Variants in DNAH2 observed in about 807,000 individuals in gnomAD.
DNAH2 encodes axonemal beta dynein heavy chain 2.
In DNAH2, 323 loss-of-function variants were observed where a neutral mutation model predicts 523.5. The ratio of observed to expected loss-of-function variants is 0.62; its 90% CI spans 0.56 to 0.68. DNAH2 has a LOEUF of 0.68. Ranked by LOEUF, DNAH2 falls within the 30% of genes least tolerant of loss-of-function variation. The pLI is 0.00. For synonymous variants in DNAH2, 2,093 were observed against 2,177.4 expected, an observed-to-expected ratio of 0.96 and a Z score of 1.08; for missense variants, 4,907 against 5,701.5, an observed-to-expected ratio of 0.86 and a Z score of 4.49.
chr17:7,786,190 A>G lies in DNAH2; in HGVS notation c.6196A>G (p.Lys2066Glu). 6.2e-7 allele frequency: 1 copy of G among 1,613,948 alleles called. No individual in the cohort carries two copies. Among genetic ancestry groups the G allele is most frequent in the South Asian group, 1.1e-5 (1 of 91,076 alleles). Residue 2066 changes from lysine to glutamate, a missense_variant, in exon 40 of 86, where the codon AAG (lysine) becomes GAG (glutamate). Lys to Glu is a moderately conservative substitution (Grantham distance 56). Around this residue, in one of 3 missense-constraint regions of DNAH2, gnomAD observed 2,806 missense variants for 3,190.8 expected, o/e 0.88. Transcript: ENST00000572933. The surrounding 1 kb of genome is among the most constrained non-coding windows in gnomAD (Gnocchi z 7.5). Reference sequence around the variant, plus strand: ...GCAAAGCACGCCGTTCACCCTCACCAAGGTTTTCCAGTTGTATGAAACCAA... The same window carrying G: ...GCAAAGCACGCCGTTCACCCTCACCGAGGTTTTCCAGTTGTATGAAACCAA... ...GLQSTPFTLT[K>E]VFQLYETKNS... is the part of the protein sequence containing the mutation.
rs368654640 is a variant in DNAH2 at position 7,826,323 on chromosome 17, C to G, written c.11853+1596C>G. ...GGATTACAGGTGTGAGCCACCGTGC[C>G]CAGCCTGAGTTTTACTTCAAATAAG... On this transcript the variant is annotated intron_variant, in intron 77 of 85. Transcript: ENST00000572933. Among the ~76,000 whole-genome samples the G allele has an allele frequency of 5.2e-4, 79 of 152,168 alleles. 1 individual carries two copies. The East Asian group carries it at 7.8e-3, about 15-fold the overall frequency.
At chr17:7,820,102 C>T (rs991873101) in intron 72 of DNAH2, among the ~76,000 whole-genome samples, 1 of 152,144 alleles carries the variant, frequency 6.6e-6, no homozygotes, top group African/African-American at 2.4e-5. Flanking sequence ...AGCCACCACG[C>T]CTGGCAAAAA....
chr17:7,776,773 C>T lies in DNAH2; in HGVS notation c.4948-6C>T, dbSNP rs780253386. Reference sequence around the variant, plus strand: ...GCTTTGGGACGTGGCTTCTGCACATCCCCAGGTGGTGATCACTGCCAGTCA... The same window carrying T: ...GCTTTGGGACGTGGCTTCTGCACATTCCCAGGTGGTGATCACTGCCAGTCA... On this transcript the variant is annotated splice_region_variant and splice_polypyrimidine_tract_variant and intron_variant, in intron 31 of 85. Transcript: ENST00000572933. 12 of 1,610,332 alleles carry T rather than the reference C, an allele frequency of 7.5e-6. No homozygotes were observed. In the South Asian group the frequency reaches 1.2e-4, roughly 16 times the overall value.
intron 73 of DNAH2, 62 bp from the exon 74 acceptor site, chr17:7,823,380 G>C: frequency 7.2e-7 from 1 of 1,389,910 alleles, no homozygotes; most frequent in Non-Finnish European, 9.9e-7. Context: ...AGGAGAAAAA[G>C]ATCACTCTTC....
chr17:7,727,481 C>T (rs146219657), intron 4 of DNAH2, among the ~76,000 whole-genome samples, 189 bp downstream of exon 4: 14 of 152,204 alleles, frequency 9.2e-5, no homozygotes, highest in African/African-American at 1.4e-4. Flanking sequence ...GGGCTGGGCG[C>T]GGTGGCTCAC....
rs1461963159 is a variant in DNAH2 at position 7,798,058 on chromosome 17, C to T, written c.8231-99C>T. 6.8e-7 allele frequency: 1 copy of T among 1,469,110 alleles called. No individual in the cohort carries two copies. Among genetic ancestry groups the T allele is most frequent in the Non-Finnish European group, 9.1e-7 (1 of 1,101,986 alleles). The allele number at this position is 1,469,110 out of a possible 1,614,324, so 91.0% of individuals were successfully genotyped here. A position where few individuals can be genotyped will look rare whatever the true frequency, so the allele number is the denominator to read the frequency against. ...CTTCTTCTCATACCTCTTGGTTCCTCTGCTTCAGTTTCAGGGGCCCCAATC... is the reference window on the plus strand; with the variant it reads ...CTTCTTCTCATACCTCTTGGTTCCTTTGCTTCAGTTTCAGGGGCCCCAATC... On this transcript the variant is annotated intron_variant, in intron 53 of 85. Transcript: ENST00000572933. The surrounding 1 kb of genome is among the most constrained non-coding windows in gnomAD (Gnocchi z 5.5).
chr17:7,732,360 G>T (rs1226524077), intron 4 of DNAH2, among the ~76,000 whole-genome samples: 2 of 150,034 alleles, frequency 1.3e-5, no homozygotes, highest in African/African-American at 4.9e-5. Flanking sequence ...GCTTGAACCC[G>T]GGGGGCGGAG....
chr17:7,786,796 C>A lies in DNAH2; in HGVS notation c.6467-101C>A. On this transcript the variant is annotated intron_variant, in intron 41 of 85. Transcript: ENST00000572933. The surrounding 1 kb of genome is among the most constrained non-coding windows in gnomAD (Gnocchi z 7.5). Reference sequence around the variant, plus strand: ...TTGGGAGAGAAATGCCTGGGGAATGCTGAAGTACAAGGGAGTGTAGGCTTG... The same window carrying A: ...TTGGGAGAGAAATGCCTGGGGAATGATGAAGTACAAGGGAGTGTAGGCTTG... 1 of 1,598,804 alleles carries A rather than the reference C, an allele frequency of 6.3e-7. No individual in the cohort carries two copies. The highest frequency in any genetic ancestry group is 8.6e-7 in the Non-Finnish European group (1 of 1,169,296).
chr17:7,766,364 T>A lies in DNAH2; in HGVS notation c.3558T>A (p.Ile1186=), dbSNP rs2076166460. Residue 1186 remains isoleucine, a synonymous_variant, in exon 22 of 86, where the codon ATT becomes ATA. Coordinates refer to ENST00000572933, the MANE Select transcript of DNAH2 (RefSeq NM_020877.5). The part of the protein sequence containing the change: ...NVGYMSALDQ[I]TQVRAMLMAM... ...GATACATGTCTGCCTTAGACCAGAT[T>A]ACACAAGTGCGGGCCATGCTGATGG... 2 of 1,613,954 alleles carry A rather than the reference T, an allele frequency of 1.2e-6. No homozygotes were observed. The highest frequency in any genetic ancestry group is 1.7e-6 in the Non-Finnish European group (2 of 1,180,010).
chr17:7,731,579 GAAT>G (rs2074990399), intron 4 of DNAH2, among the ~76,000 whole-genome samples: 1 of 151,988 alleles, frequency 6.6e-6, no homozygotes, highest in Admixed American at 6.6e-5. Context: ...AAAATATGTA[GAAT>G]AATGTTTTCT....
Position 7,798,537 on chromosome 17 carries a change from C to T in DNAH2, c.8399-21C>T. The T allele has an allele frequency of 1.9e-6, 3 of 1,612,892 alleles. No homozygotes were observed. Among genetic ancestry groups the T allele is most frequent in the Non-Finnish European group, 1.7e-6 (2 of 1,179,594 alleles). The stretch of plus-strand genomic sequence containing the variant: ...ATGGGGAATCTGCAGTGAGTTTGTC[C>T]TCCTTCCCTCCCCCGGCCAGATATC... On this transcript the variant is annotated intron_variant, in intron 54 of 85. Coordinates refer to ENST00000572933, the MANE Select transcript of DNAH2 (RefSeq NM_020877.5). The surrounding 1 kb of genome is among the most constrained non-coding windows in gnomAD (Gnocchi z 5.5).
chr17:7,824,317 C>T lies in DNAH2; in HGVS notation c.11662+13C>T. ...GGTGTGACTCAGGGTTGGTGTCCATCCTTTCTTCCACCCCCATCTTCAGCC... is the reference window on the plus strand; with the variant it reads ...GGTGTGACTCAGGGTTGGTGTCCATTCTTTCTTCCACCCCCATCTTCAGCC... On this transcript the variant is annotated intron_variant, in intron 76 of 85. Transcript: ENST00000572933. The T allele has an allele frequency of 2.7e-6, 4 of 1,506,802 alleles. No individual in the cohort carries two copies. The highest frequency in any genetic ancestry group is 3.5e-6 in the Non-Finnish European group (4 of 1,131,116). The allele number at this position is 1,506,802 out of a possible 1,614,324, so 93.3% of individuals were successfully genotyped here.
Position 7,819,003 on chromosome 17 carries a change from G to A in DNAH2, c.10755G>A (p.Glu3585=), listed in dbSNP as rs745374652. 1 of 1,610,974 alleles carries A rather than the reference G, an allele frequency of 6.2e-7. No individual in the cohort carries two copies. Among genetic ancestry groups the A allele is most frequent in the South Asian group, 1.1e-5 (1 of 91,052 alleles). Residue 3585 remains glutamate, a synonymous_variant, in exon 71 of 86, where the codon GAG becomes GAA. Coordinates refer to ENST00000572933, the MANE Select transcript of DNAH2 (RefSeq NM_020877.5). ...TLHTSKITAT[E]VTEQLETSET... is the part of the protein sequence containing the mutation. ...ATACCTCCAAGATCACAGCCACAGA[G>A]GTGACTGAGCAGCTGGAGACCAGTG...
rs775027935 is a variant in DNAH2 at position 7,778,236 on chromosome 17, G to A, written c.5352-44G>A. The A allele has an allele frequency of 4.3e-6, 7 of 1,613,950 alleles. No individual in the cohort carries two copies. The South Asian group carries it at 5.5e-5, about 13-fold the overall frequency. On this transcript the variant is annotated intron_variant, in intron 34 of 85. Coordinates refer to ENST00000572933, the MANE Select transcript of DNAH2 (RefSeq NM_020877.5). ...GGGTGGGGGGCAGCAGAAGCTGAGA[G>A]AGGCTTCCAGGAGTCTGACTCTAGT...
At chr17:7,796,045 ATTTTTTTTT>A (rs377411281) in intron 49 of DNAH2, among the ~76,000 whole-genome samples, 1 of 107,672 alleles carries the variant, frequency 9.3e-6, no homozygotes, top group Non-Finnish European at 1.9e-5. Context: ...TGAGTTTAGG[ATTTTTTTTT>A]TTTTTTTTTT....
At position 7,807,369 on chromosome 17, in the gene DNAH2, G is replaced by A. The variant is rs2077395190; in HGVS notation, c.9612+50G>A. ...GGCGGTAGGGAGGGCAGGCCTGGGG[G>A]AGTGCGGATGCACAGACCCAGGTGG... On this transcript the variant is annotated intron_variant, in intron 62 of 85. Transcript: ENST00000572933. This position sits in a 1 kb window ranked among gnomAD's most constrained non-coding sequence, Gnocchi z 5.6. The A allele has an allele frequency of 1.9e-6, 3 of 1,603,278 alleles. No individual in the cohort carries two copies. Among genetic ancestry groups the A allele is most frequent in the Non-Finnish European group, 2.6e-6 (3 of 1,175,416 alleles).
chr17:7,810,885 T>A (rs1449423447), intron 63 of DNAH2, among the ~76,000 whole-genome samples: 2 of 152,194 alleles, frequency 1.3e-5, no homozygotes, highest in African/African-American at 4.8e-5. Context: ...CCCAACTACA[T>A]TGCAGATCAG....
At chr17:7,811,174 T>C (rs1407571525) in intron 63 of DNAH2, among the ~76,000 whole-genome samples, 2 of 152,224 alleles carry the variant, frequency 1.3e-5, no homozygotes, top group Admixed American at 6.5e-5. Context: ...TTCCAAATTA[T>C]GTCTAGTCAC....
At chr17:7,817,259 A>G (rs770695540) in intron 64 of DNAH2, 31 bp from the exon 65 acceptor site, 14 of 1,577,326 alleles carry the variant, frequency 8.9e-6, no homozygotes, top group Non-Finnish European at 6.0e-6. Context: ...GCTGGGGCCC[A>G]GGCAGGCTTA....
Sources: allele counts gnomAD v4.1 joint callset (sites outside exome capture counted in the v4.1 genomes callset), GRCh38; gene constraint gnomAD v4.1.1; regional missense constraint gnomAD v4.1.1; non-coding constraint Gnocchi (gnomAD v3.1); transcripts MANE v1.5; gene names NCBI Gene and HGNC (gene_info 2026-07-23, HGNC 2026-07-21).